SLC16A10: variants seen among roughly 807,000 people sequenced by gnomAD.
SLC16A10 encodes solute carrier family 16 member 10, also known as monocarboxylate transporter 10.
SLC16A10 carries 27 observed loss-of-function variants against 40.0 expected under a neutral mutation model. That is an observed-to-expected ratio of 0.67 (90% CI 0.50 to 0.93). The LOEUF (loss-of-function observed/expected upper bound fraction) is 0.93. Ranked by LOEUF, SLC16A10 falls within the 40% of genes least tolerant of loss-of-function variation. The probability of loss-of-function intolerance (pLI) is 0.00; values close to 1 mark genes in which losing one functional copy is unlikely to be tolerated. For missense variants in SLC16A10, 529 were observed against 658.2 expected, an observed-to-expected ratio of 0.80 and a Z score of 2.15; for synonymous variants, 213 against 249.8, an observed-to-expected ratio of 0.85 and a Z score of 1.39.
intron 2 of SLC16A10, among the ~76,000 whole-genome samples, chr6:111,174,905 G>A (rs1012722978): frequency 6.6e-6 from 1 of 152,110 alleles, no homozygotes; most frequent in Non-Finnish European, 1.5e-5. Context: ...ACCCAGTTCT[G>A]TCTCTCTTTC....
chr6:111,190,215 A>T (rs1479428214), intron 3 of SLC16A10, among the ~76,000 whole-genome samples: 1 of 152,228 alleles, frequency 6.6e-6, no homozygotes, highest in African/African-American at 2.4e-5. Flanking sequence ...TAAAGTTCCA[A>T]AACGATCTTC....
chr6:111,102,166 T>C (rs912369033), intron 1 of SLC16A10, among the ~76,000 whole-genome samples: 3 of 152,142 alleles, frequency 2.0e-5, no homozygotes, highest in Admixed American at 1.3e-4. Flanking sequence ...TTTTTTCCCC[T>C]CTCTTGGATT....
chr6:111,167,440 C>T (rs1772495445), intron 1 of SLC16A10, among the ~76,000 whole-genome samples: 1 of 152,100 alleles, frequency 6.6e-6, no homozygotes, highest in Admixed American at 6.5e-5. Context: ...GGTATGCTTT[C>T]AACATGCCCT....
rs1771019277 is a variant in SLC16A10 at position 111,227,235 on chromosome 6, A to G, written c.*5000A>G. 6.6e-6 allele frequency: 1 copy of G among 152,262 alleles called. No individual in the cohort carries two copies. The highest frequency in any genetic ancestry group is 6.5e-5 in the Admixed American group (1 of 15,292). 9.4% of individuals were successfully genotyped at this position (152,262 alleles called of 1,614,324 possible). A position where few individuals can be genotyped will look rare whatever the true frequency, so the allele number is the denominator to read the frequency against. Reference sequence around the variant, plus strand: ...GAATTTAAGAATGGTTCTGGAGCAAATAATAACAAGGTAGACAAGCAGGCC... The same window carrying G: ...GAATTTAAGAATGGTTCTGGAGCAAGTAATAACAAGGTAGACAAGCAGGCC... On this transcript the variant is annotated 3_prime_UTR_variant, in exon 6 of 6. Coordinates refer to ENST00000368851, the MANE Select transcript of SLC16A10 (RefSeq NM_018593.5).
chr6:111,146,871 C>T (rs990535502), intron 1 of SLC16A10, among the ~76,000 whole-genome samples: 7 of 151,986 alleles, frequency 4.6e-5, no homozygotes, highest in Admixed American at 1.3e-4. Flanking sequence ...TATCCAGCCA[C>T]AAAAAGCAAT....
intron 2 of SLC16A10, among the ~76,000 whole-genome samples, chr6:111,174,856 C>T (rs534140942): frequency 3.9e-5 from 6 of 152,272 alleles, no homozygotes; most frequent in African/African-American, 1.4e-4. Flanking sequence ...ATTTTTCTGA[C>T]CACTGAGCAA....
intron 1 of SLC16A10, among the ~76,000 whole-genome samples, chr6:111,141,139 T>A (rs915552670): frequency 6.6e-6 from 1 of 152,170 alleles, no homozygotes; most frequent in Non-Finnish European, 1.5e-5. Context: ...ATTCCTTTGA[T>A]AGGGATGTGA....
chr6:111,210,809 G>A (rs751019901), intron 4 of SLC16A10, among the ~76,000 whole-genome samples: 2 of 152,140 alleles, frequency 1.3e-5, no homozygotes, highest in Non-Finnish European at 2.9e-5. Flanking sequence ...GGCCAAGGCT[G>A]GCGGATCACG....
intron 1 of SLC16A10, among the ~76,000 whole-genome samples, chr6:111,100,951 TTTCTCTCC>T (rs1465026987): frequency 1.8e-4 from 8 of 44,070 alleles, no homozygotes; most frequent in Admixed American, 4.9e-4. Context: ...TCTCTCGCTC[TTTCTCTCC>T]CTCTCTCTCT....
chr6:111,186,636 G>C (rs923636615), intron 3 of SLC16A10, among the ~76,000 whole-genome samples: 4 of 152,140 alleles, frequency 2.6e-5, no homozygotes, highest in African/African-American at 9.7e-5. Flanking sequence ...GGATCATAGA[G>C]CATAAGGGTA....
At chr6:111,125,713 A>G (rs1368356621) in intron 1 of SLC16A10, among the ~76,000 whole-genome samples, 1 of 152,196 alleles carries the variant, frequency 6.6e-6, no homozygotes, top group Non-Finnish European at 1.5e-5. Context: ...TTCAATTGCT[A>G]TATAAAAAAT....
intron 3 of SLC16A10, among the ~76,000 whole-genome samples, chr6:111,185,561 T>C (rs1258686890): frequency 1.3e-5 from 2 of 152,130 alleles, no homozygotes; most frequent in Non-Finnish European, 2.9e-5. Flanking sequence ...AAGTACATTG[T>C]GAATATGAGA....
intron 4 of SLC16A10, among the ~76,000 whole-genome samples, chr6:111,208,149 GT>G (rs952593781): frequency 6.7e-6 from 1 of 148,948 alleles, no homozygotes; most frequent in African/African-American, 2.5e-5. Context: ...TTGTTTTTTT[GT>G]TTTTTTTCTG....
chr6:111,178,145 AG>A (rs1222962052), intron 3 of SLC16A10, among the ~76,000 whole-genome samples: 1 of 152,246 alleles, frequency 6.6e-6, no homozygotes, highest in Non-Finnish European at 1.5e-5. Flanking sequence ...GGACAAAGCT[AG>A]CGCTATGATT....
intron 3 of SLC16A10, among the ~76,000 whole-genome samples, chr6:111,203,129 T>C (rs1413363229): frequency 6.6e-6 from 1 of 152,130 alleles, no homozygotes; most frequent in Non-Finnish European, 1.5e-5. Flanking sequence ...GAAATATCCA[T>C]TTTGTCCTAT....
rs568164355 is a variant in SLC16A10 at position 111,170,738 on chromosome 6, C to T, written c.344-1957C>T. Among the ~76,000 whole-genome samples the T allele has an allele frequency of 1.1e-4, 17 of 152,266 alleles. No individual in the cohort carries two copies. In the East Asian group the frequency reaches 1.9e-3, roughly 17 times the overall value. The stretch of plus-strand genomic sequence containing the variant: ...TGCTAGGATTACAGATGTGAGCCAC[C>T]GCACCCAGCCTAGATTGTTTCTTAA... On this transcript the variant is annotated intron_variant, in intron 1 of 5. Coordinates refer to ENST00000368851, the MANE Select transcript of SLC16A10 (RefSeq NM_018593.5).
At chr6:111,160,780 T>G (rs1389096323) in intron 1 of SLC16A10, among the ~76,000 whole-genome samples, 1 of 151,190 alleles carries the variant, frequency 6.6e-6, no homozygotes, top group Non-Finnish European at 1.5e-5. Flanking sequence ...AGGTGGTTTT[T>G]CTCTCTCTCT....
At chr6:111,184,919 A>G (rs1772867780) in intron 3 of SLC16A10, among the ~76,000 whole-genome samples, 2 of 152,206 alleles carry the variant, frequency 1.3e-5, no homozygotes, top group South Asian at 4.1e-4. Context: ...GAATGTAGCT[A>G]TTAGACCTTG....
In SLC16A10 at chr6:111,222,375, T is replaced by C. The variant is rs189096229; in HGVS notation, c.*140T>C. ...CAATAATTGGGAAATAGAACCCTTA[T>C]CACTAGAAGAACCATTTTCTGCCAC... On this transcript the variant is annotated 3_prime_UTR_variant, in exon 6 of 6. Transcript: ENST00000368851. 23 of 1,125,178 alleles carry C rather than the reference T, an allele frequency of 2.0e-5. 2 individuals carry two copies. In the Admixed American group the frequency reaches 7.5e-4, roughly 37 times the overall value. 69.7% of individuals were successfully genotyped at this position (1,125,178 alleles called of 1,614,324 possible). A position where few individuals can be genotyped will look rare whatever the true frequency, so the allele number is the denominator to read the frequency against.
Sources: gnomAD v4.1 joint callset for allele counts (sites outside exome capture counted in the v4.1 genomes callset) on GRCh38, gnomAD v4.1.1 for gene constraint, MANE v1.5 for transcripts, NCBI Gene and HGNC (gene_info 2026-07-23, HGNC 2026-07-21) for gene names.